Variants in TSHZ2 observed in about 807,000 individuals in gnomAD.
TSHZ2 encodes teashirt zinc finger homeobox 2.
A neutral mutation model predicts 74.4 loss-of-function variants in TSHZ2; 21 were observed. The observed-to-expected ratio is 0.28, with a 90% confidence interval of 0.20 to 0.41. The LOEUF (loss-of-function observed/expected upper bound fraction) is 0.41. TSHZ2 is among the 10% of genes least tolerant of loss of function. The pLI is 1.00. For missense variants in TSHZ2, 1,244 were observed against 1,293.5 expected (o/e 0.96, Z 0.59); for synonymous variants, 540 against 515.3 (o/e 1.05, Z -0.65).
At chr20:53,138,392 A>G (rs959380628) in intron 1 of TSHZ2, among the ~76,000 whole-genome samples, 8 of 116,348 alleles carry the variant, frequency 6.9e-5, no homozygotes, top group Non-Finnish European at 7.6e-5. Context: ...CTCAAAAAAG[A>G]AAAAAAAAAA....
intron 2 of TSHZ2, among the ~76,000 whole-genome samples, chr20:53,445,236 A>G (rs1464575775): frequency 6.6e-6 from 1 of 152,202 alleles, no homozygotes; most frequent in Admixed American, 6.5e-5. Context: ...ATTTATTTTC[A>G]TGATTCATAT....
intron 2 of TSHZ2, among the ~76,000 whole-genome samples, chr20:53,448,846 AAC>A (rs1216347169): frequency 3.3e-5 from 5 of 152,200 alleles, no homozygotes; most frequent in African/African-American, 1.2e-4. Context: ...GACTAAAAAT[AAC>A]CACCTTTCAA....
chr20:53,297,742 A>G (rs576146924), intron 2 of TSHZ2, among the ~76,000 whole-genome samples: 1 of 152,324 alleles, frequency 6.6e-6, no homozygotes, highest in South Asian at 2.1e-4. Context: ...TTCCTTGTGT[A>G]TACAATGGAG....
intron 1 of TSHZ2, among the ~76,000 whole-genome samples, chr20:53,014,153 G>A (rs186464040): frequency 6.6e-6 from 1 of 151,870 alleles, no homozygotes; most frequent in African/African-American, 2.4e-5. Flanking sequence ...TCTGGTAAAG[G>A]GTTTTTTTCT....
chr20:53,371,928 G>T (rs545989613), intron 2 of TSHZ2, among the ~76,000 whole-genome samples: 3 of 151,218 alleles, frequency 2.0e-5, no homozygotes, highest in African/African-American at 4.9e-5. Context: ...CCCTCAGAAG[G>T]CTCTAGAAAA....
intron 1 of TSHZ2, among the ~76,000 whole-genome samples, chr20:53,095,773 C>T (rs1348684258): frequency 1.3e-5 from 2 of 152,118 alleles, no homozygotes; most frequent in African/African-American, 4.8e-5. Flanking sequence ...TACCCCCCAC[C>T]CCAGTTCTGA....
chr20:53,297,496 G>A (rs533527072), intron 2 of TSHZ2, among the ~76,000 whole-genome samples: 6 of 152,208 alleles, frequency 3.9e-5, no homozygotes, highest in Admixed American at 6.5e-5. Flanking sequence ...TGGTTTCTGC[G>A]ATTATAGGCA....
rs146771919 is a variant in TSHZ2, at chr20:53,208,879, G to A, written c.41-44620G>A. On this transcript the variant is annotated intron_variant, in intron 1 of 2. Transcript: ENST00000371497. ...TGCTGCTCAGCAGACAGCTCTGGGC[G>A]TCTCTGGGCCCCCTTACTGCTCTGC... Among the ~76,000 whole-genome samples the A allele has an allele frequency of 5.8e-3, 879 of 152,256 alleles. 10 individuals are homozygous for A. Among genetic ancestry groups the A allele is most frequent in the African/African-American group, 0.02 (826 of 41,550 alleles).
chr20:53,374,989 T>C (rs1981609954), intron 2 of TSHZ2, among the ~76,000 whole-genome samples: 1 of 151,940 alleles, frequency 6.6e-6, no homozygotes, highest in Non-Finnish European at 1.5e-5. Flanking sequence ...GAAACTATAG[T>C]TTTTATGGGC....
chr20:53,286,105 G>A (rs191785085), intron 2 of TSHZ2, among the ~76,000 whole-genome samples: 1 of 152,170 alleles, frequency 6.6e-6, no homozygotes, highest in Non-Finnish European at 1.5e-5. Flanking sequence ...AATGTTTTCT[G>A]CCATTAATAA....
chr20:53,008,230 G>C (rs1275630430), intron 1 of TSHZ2, among the ~76,000 whole-genome samples: 1 of 152,206 alleles, frequency 6.6e-6, no homozygotes, highest in Admixed American at 6.5e-5. Flanking sequence ...GGAAAGAGGA[G>C]AGAAGTAGGT....
At chr20:53,193,821 GA>G (rs1024969333) in intron 1 of TSHZ2, among the ~76,000 whole-genome samples, 3 of 151,454 alleles carry the variant, frequency 2.0e-5, no homozygotes, top group Admixed American at 6.6e-5. Flanking sequence ...TTGACAATAA[GA>G]GGGAGGAACC....
intron 1 of TSHZ2, among the ~76,000 whole-genome samples, chr20:53,049,248 C>T (rs1984339100): frequency 6.6e-6 from 1 of 152,130 alleles, no homozygotes; most frequent in South Asian, 2.1e-4. Context: ...TCTCACCATT[C>T]CATGACTCCA....
chr20:53,359,431 T>C (rs1395992337), intron 2 of TSHZ2, among the ~76,000 whole-genome samples: 7 of 152,192 alleles, frequency 4.6e-5, no homozygotes, highest in Non-Finnish European at 1.0e-4. Flanking sequence ...CTCTGAAAAT[T>C]AAAGTGTTTT....
intron 1 of TSHZ2, among the ~76,000 whole-genome samples, chr20:53,197,920 T>G (rs1208559017): frequency 6.6e-6 from 1 of 152,204 alleles, no homozygotes; most frequent in East Asian, 1.9e-4. Context: ...TGCTTTGAAG[T>G]AAGCATGGGC....
chr20:53,479,279 G>A (rs1468690769), intron 2 of TSHZ2, among the ~76,000 whole-genome samples: 3 of 152,080 alleles, frequency 2.0e-5, no homozygotes, highest in African/African-American at 7.2e-5. Flanking sequence ...TTAAAATGCA[G>A]GTTCCAAATC....
Position 53,043,113 on chromosome 20 carries a change from T to C in TSHZ2, c.40+69780T>C, listed in dbSNP as rs536979268. Among the ~76,000 whole-genome samples, 3 of 152,304 alleles carry C rather than the reference T, an allele frequency of 2.0e-5. No homozygotes were observed. The South Asian group carries it at 6.2e-4, about 32-fold the overall frequency. ...AATTCCAGTTTTAGGGGAAAAAAGT[T>C]AGCATCTATGTCTGCATGGAGACGG... On this transcript the variant is annotated intron_variant, in intron 1 of 2. Coordinates refer to ENST00000371497, the MANE Select transcript of TSHZ2 (RefSeq NM_173485.6).
intron 2 of TSHZ2, among the ~76,000 whole-genome samples, chr20:53,302,411 T>A (rs1329020580): frequency 1.3e-5 from 2 of 152,192 alleles, no homozygotes; most frequent in Admixed American, 1.3e-4. Flanking sequence ...TGTTAGTGAA[T>A]AATTTTTATT....
chr20:53,187,163 C>T (rs1988619706), intron 1 of TSHZ2, among the ~76,000 whole-genome samples: 2 of 152,146 alleles, frequency 1.3e-5, no homozygotes, highest in African/African-American at 2.4e-5. Context: ...GGGGGCTACA[C>T]ATCGCTGGTG....
Sources: allele counts gnomAD v4.1 joint callset (sites outside exome capture counted in the v4.1 genomes callset), GRCh38; gene constraint gnomAD v4.1.1; transcripts MANE v1.5; gene names NCBI Gene and HGNC (gene_info 2026-07-23, HGNC 2026-07-21).